The following KBTBD8 variants were observed in gnomAD, a reference collection of about 807,000 sequenced individuals.
The protein encoded by KBTBD8 is kelch repeat and BTB domain containing 8, also known as kelch repeat and BTB domain-containing protein 8.
KBTBD8 carries 31 observed loss-of-function variants against 53.5 expected under a neutral mutation model. That is an observed-to-expected ratio of 0.58 (90% CI 0.44 to 0.78). The LOEUF (loss-of-function observed/expected upper bound fraction) is 0.78, where lower values mean the gene tolerates loss of function less well. Among genes scored for constraint, KBTBD8 ranks in the 30% least tolerant of loss-of-function variants. The pLI, the probability that KBTBD8 is intolerant of heterozygous loss-of-function variation, is 0.00. For synonymous variants in KBTBD8, 250 were observed against 247.3 expected (o/e 1.01, Z -0.10); for missense variants, 642 against 735.8 (o/e 0.87, Z 1.48).
rs1702113184 is a variant in KBTBD8, at chr3:67,011,149, A to G, written c.*2764A>G. On this transcript the variant is annotated 3_prime_UTR_variant, in exon 4 of 4. Transcript: ENST00000417314. Reference sequence around the variant, plus strand: ...TTTAAACATTTTGCCATAATTGCACAATTTTTTGCATTTTTACCTGATGTC... The same window carrying G: ...TTTAAACATTTTGCCATAATTGCACGATTTTTTGCATTTTTACCTGATGTC... 1 of 152,580 alleles carries G rather than the reference A, an allele frequency of 6.6e-6. No individual in the cohort carries two copies. The highest frequency in any genetic ancestry group is 2.1e-4 in the South Asian group (1 of 4,836). The allele number at this position is 152,580 out of a possible 1,614,324, so 9.5% of individuals were successfully genotyped here.
At chr3:67,002,656 C>T (rs1702027852) in intron 2 of KBTBD8, among the ~76,000 whole-genome samples, 1 of 151,838 alleles carries the variant, frequency 6.6e-6, no homozygotes, top group African/African-American at 2.4e-5. Context: ...GGATGTGCCA[C>T]CACGCCCAGC....
rs1446250085 is a variant in KBTBD8, at chr3:67,003,555, G to C, written c.588G>C (p.Leu196=). ...TTCTCCAGTTGACAAAAGACCAACT[G>C]ATAAGTATACTAGACAGTGACGATT... is the stretch of plus-strand genomic sequence containing the variant. ...QEFLQLTKDQ[L]ISILDSDDLN... is the part of the protein sequence containing the mutation. The change falls in exon 3 of 4, where the codon CTG becomes CTC. Residue 196 remains leucine, a synonymous_variant. Coordinates refer to ENST00000417314, the MANE Select transcript of KBTBD8 (RefSeq NM_032505.3). 2 of 1,614,084 alleles carry C rather than the reference G, an allele frequency of 1.2e-6. No individual in the cohort carries two copies. Among genetic ancestry groups the C allele is most frequent in the Non-Finnish European group, 1.7e-6 (2 of 1,179,984 alleles).
At chr3:67,001,514 G>A (rs1019622628) in intron 2 of KBTBD8, among the ~76,000 whole-genome samples, 1 of 152,192 alleles carries the variant, frequency 6.6e-6, no homozygotes, top group Admixed American at 6.5e-5. Flanking sequence ...TGTAAGATGA[G>A]CCTATTCAAG....
Position 67,008,194 on chromosome 3 carries a change from C to T in KBTBD8, c.1615C>T (p.Arg539Ter), listed in dbSNP as rs779484880. Reference protein sequence around the residue: ...LFQNKLHLFVRATQVTVEEHV... With the variant: ...LFQNKLHLFV ...CCAGAACAAACTCCATTTATTTGTT[C>T]GAGCTACTCAAGTGACTGTTGAAGA... Residue 539 changes from arginine to a stop codon, truncating the protein, a stop_gained, in exon 4 of 4, where the codon CGA (arginine) becomes TGA (stop). Coordinates refer to ENST00000417314, the MANE Select transcript of KBTBD8 (RefSeq NM_032505.3). LOFTEE classifies it high-confidence loss of function. 5 of 1,613,932 alleles carry T rather than the reference C, an allele frequency of 3.1e-6. No homozygotes were observed. The highest frequency in any genetic ancestry group is 4.5e-5 in the East Asian group (2 of 44,884).
intron 2 of KBTBD8, among the ~76,000 whole-genome samples, chr3:67,000,242 G>A (rs1428484668): frequency 6.6e-6 from 1 of 152,078 alleles, no homozygotes; most frequent in Non-Finnish European, 1.5e-5. Flanking sequence ...GACTTGCCTA[G>A]GGTAGGTCAT....
intron 3 of KBTBD8, among the ~76,000 whole-genome samples, chr3:67,006,250 T>A (rs2106761038): frequency 6.6e-6 from 1 of 152,324 alleles, no homozygotes; most frequent in East Asian, 1.9e-4. Context: ...AGAATTAGAT[T>A]CCTATTTGGA....
At chr3:67,003,154 T>A (rs759772659) in intron 2 of KBTBD8, 41 bp from the exon 3 acceptor site, 5 of 1,559,862 alleles carry the variant, frequency 3.2e-6, no homozygotes, top group Middle Eastern at 3.4e-4. Flanking sequence ...TAATTTTGAT[T>A]TATAGCACAC....
intron 2 of KBTBD8, among the ~76,000 whole-genome samples, chr3:67,002,354 T>C (rs908140924): frequency 6.6e-6 from 1 of 152,176 alleles, no homozygotes; most frequent in Admixed American, 6.5e-5. Flanking sequence ...AGGTGGAGAA[T>C]ATGTACTTTT....
intron 3 of KBTBD8, among the ~76,000 whole-genome samples, chr3:67,006,210 C>T (rs1264826603): frequency 1.3e-5 from 2 of 152,142 alleles, no homozygotes; most frequent in Admixed American, 1.3e-4. Context: ...GTATTTTGGT[C>T]TTACTGCCTA....
chr3:67,001,000 G>C (rs1702014235), intron 2 of KBTBD8, among the ~76,000 whole-genome samples: 2 of 151,804 alleles, frequency 1.3e-5, no homozygotes, highest in East Asian at 3.9e-4. Context: ...TGAAGACCTG[G>C]AAAAAAATTT....
At chr3:67,005,789 C>T (rs937727187) in intron 3 of KBTBD8, among the ~76,000 whole-genome samples, 1 of 151,964 alleles carries the variant, frequency 6.6e-6, no homozygotes, top group Non-Finnish European at 1.5e-5. Flanking sequence ...GATTCTTCCA[C>T]CTCAGTCTCA....
At chr3:67,007,584 G>A (rs1702079561) in intron 3 of KBTBD8, among the ~76,000 whole-genome samples, 3 of 152,042 alleles carry the variant, frequency 2.0e-5, no homozygotes, top group Admixed American at 2.0e-4. Context: ...CTCCCAAAGT[G>A]CTGGGATTAC....
chr3:66,998,310 A>T lies in KBTBD8; in HGVS notation c.-46A>T, dbSNP rs1201059286. 2 of 1,289,040 alleles carry T rather than the reference A, an allele frequency of 1.6e-6. No individual in the cohort carries two copies. The highest frequency in any genetic ancestry group is 3.1e-5 in the African/African-American group (2 of 64,618). 79.9% of individuals were successfully genotyped at this position (1,289,040 alleles called of 1,614,324 possible). A position where few individuals can be genotyped will look rare whatever the true frequency, so the allele number is the denominator to read the frequency against. On this transcript the variant is annotated 5_prime_UTR_variant, in exon 1 of 4. It removes an upstream start codon present in the reference 5' UTR. Transcript: ENST00000417314. ...GGAACCCGGGAGCTAGAGAAGCGAA[A>T]TGACATTTCCTTTTTAAATAGCTGG... is the stretch of plus-strand genomic sequence containing the variant.
rs758429933 is a variant in KBTBD8, at chr3:67,004,234, A to G, written c.1267A>G (p.Thr423Ala). The G allele has an allele frequency of 6.2e-7, 1 of 1,614,056 alleles. No homozygotes were observed. The highest frequency in any genetic ancestry group is 2.2e-5 in the East Asian group (1 of 44,896). The change falls in exon 3 of 4, where the codon ACT (threonine) becomes GCT (alanine). Residue 423 changes from threonine (T) to alanine (A), a missense_variant. Coordinates refer to ENST00000417314, the MANE Select transcript of KBTBD8 (RefSeq NM_032505.3). ...CYDSRENCWT[T>A]VCAMPVAMEF... is the part of the protein sequence containing the mutation. ...CGACAGTAGAGAGAATTGTTGGACG[A>G]CTGTTTGCGCGATGCCAGTTGCAAT...
chr3:67,007,868 CA>C, intron 3 of KBTBD8, 53 bp from the exon 4 acceptor site: 1 of 1,114,506 alleles, frequency 9.0e-7, no homozygotes, highest in Non-Finnish European at 1.3e-6. Flanking sequence ...AACATATAAC[CA>C]AAAACCAAAC....
intron 1 of KBTBD8, among the ~76,000 whole-genome samples, chr3:66,998,638 T>TA (rs1701984789): frequency 1.3e-5 from 2 of 151,694 alleles, no homozygotes; most frequent in Non-Finnish European, 2.9e-5. Context: ...CGGCCGCCGT[T>TA]GTTCGAGCTT....
Position 67,003,622 on chromosome 3 carries a change from A to G in KBTBD8, c.655A>G (p.Arg219Gly), listed in dbSNP as rs189120140. The G allele has an allele frequency of 1.9e-6, 3 of 1,614,116 alleles. No individual in the cohort carries two copies. ...AGAGCATGTTTATGAAAGCATTATA[A>G]GGTGGTTTGAGCATGAACAGAATGA... ...REEHVYESIIRWFEHEQNERE... is the reference protein window; with the variant it reads ...REEHVYESIIGWFEHEQNERE... The change falls in exon 3 of 4, where the codon AGG becomes GGG. Residue 219 changes from arginine to glycine, a missense_variant. Physicochemically the swap from Arg to Gly is moderately radical, Grantham distance 125 (BLOSUM62 -2). Transcript: ENST00000417314.
chr3:66,999,362 AG>A (rs553799107), intron 2 of KBTBD8, among the ~76,000 whole-genome samples, 171 bp downstream of exon 2: 335 of 152,238 alleles, frequency 2.2e-3, no homozygotes, highest in African/African-American at 7.7e-3. Flanking sequence ...TTTTGACTTG[AG>A]GGATTCTTCT....
At chr3:67,007,772 G>A in intron 3 of KBTBD8, 150 bp from the exon 4 acceptor site, 1 of 552,640 alleles carries the variant, frequency 1.8e-6, no homozygotes. Flanking sequence ...CCATATGAAT[G>A]TATCTCTGGA....
Sources: gnomAD v4.1 joint callset for allele counts (sites outside exome capture counted in the v4.1 genomes callset) on GRCh38, gnomAD v4.1.1 for gene constraint, MANE v1.5 for transcripts, NCBI Gene and HGNC (gene_info 2026-07-23, HGNC 2026-07-21) for gene names.